The following DLGAP4 variants were observed in gnomAD, a reference collection of about 807,000 sequenced individuals.
The protein encoded by DLGAP4 is disks large-associated protein 4.
Under a neutral mutation model 86.9 loss-of-function variants are expected in DLGAP4, and 18 were observed. That is an observed-to-expected ratio of 0.21 (90% CI 0.14 to 0.31). DLGAP4 has a LOEUF of 0.31. DLGAP4 is among the 10% of genes least tolerant of loss of function. DLGAP4 has a pLI of 1.00. For synonymous variants in DLGAP4, 548 were observed against 574.3 expected (o/e 0.95, Z 0.65); for missense variants, 1,085 against 1,362.6 (o/e 0.80, Z 3.21).
Position 36,513,440 on chromosome 20 carries a change from C to T in DLGAP4, c.2513-10810C>T, listed in dbSNP as rs188749398. On this transcript the variant is annotated intron_variant, in intron 10 of 12. Transcript: ENST00000339266. ...GCGGGCGCCTGTAGTCCCAGCTACT[C>T]GGGAGGCTGAGGCAGGAGAATGGCG... 6.3e-3 allele frequency among the ~76,000 whole-genome samples: 921 copies of T among 147,192 alleles called. 12 individuals carry two copies. Among genetic ancestry groups the T allele is most frequent in the African/African-American group, 0.022 (865 of 39,782 alleles).
At chr20:36,349,530 A>G (rs1555893307) in intron 1 of DLGAP4, among the ~76,000 whole-genome samples, 2 of 152,136 alleles carry the variant, frequency 1.3e-5, no homozygotes, top group Non-Finnish European at 2.9e-5. Flanking sequence ...ACAAGCCATT[A>G]ATGGAAAGGG....
rs761668407 is a variant in DLGAP4, at chr20:36,527,920, G to C, written c.*889G>C. The C allele has an allele frequency of 1.3e-5, 2 of 152,636 alleles. No homozygotes were observed. Among genetic ancestry groups the C allele is most frequent in the Non-Finnish European group, 2.9e-5 (2 of 68,084 alleles). 9.5% of individuals were successfully genotyped at this position (152,636 alleles called of 1,614,324 possible). On this transcript the variant is annotated 3_prime_UTR_variant, in exon 13 of 13. Transcript: ENST00000339266. ...GTCCGGTGCCCGAGGGGCGGGCGGC[G>C]GTGTCTGTATGTATGTGTACATATG...
intron 2 of DLGAP4, among the ~76,000 whole-genome samples, chr20:36,383,836 G>A (rs1419870755): frequency 1.3e-5 from 2 of 152,068 alleles, no homozygotes; most frequent in African/African-American, 2.4e-5. Flanking sequence ...TTAGCCAGGT[G>A]TGGTGGCGAG....
intron 5 of DLGAP4, 96 bp from the exon 6 acceptor site, chr20:36,442,631 C>T: frequency 7.1e-7 from 1 of 1,410,384 alleles, no homozygotes; most frequent in Non-Finnish European, 1.0e-6. Context: ...GGAGGTTAGA[C>T]CAGCCAGCTT....
chr20:36,307,191 T>G (rs1239275757), intron 1 of DLGAP4, among the ~76,000 whole-genome samples: 1 of 151,992 alleles, frequency 6.6e-6, no homozygotes, highest in Non-Finnish European at 1.5e-5. Flanking sequence ...GCACCTGGGC[T>G]GGGGGGGCAC....
chr20:36,471,865 C>G (rs1157885401), intron 7 of DLGAP4, among the ~76,000 whole-genome samples: 1 of 152,048 alleles, frequency 6.6e-6, no homozygotes, highest in Non-Finnish European at 1.5e-5. Context: ...CGGTCAAGAT[C>G]ATACTTAGGC....
At chr20:36,461,485 C>A (rs1213695075) in intron 7 of DLGAP4, 4 of 981,668 alleles carry the variant, frequency 4.1e-6, no homozygotes, top group Non-Finnish European at 4.8e-6. Flanking sequence ...ACCGGAGCCT[C>A]GGGCCGGGCT....
intron 1 of DLGAP4, among the ~76,000 whole-genome samples, chr20:36,344,058 C>T (rs574367789): frequency 1.3e-5 from 2 of 152,194 alleles, no homozygotes; most frequent in African/African-American, 2.4e-5. Flanking sequence ...AAGTCTGTGC[C>T]GGGAGGTGGA....
At chr20:36,339,633 C>A (rs2065357202) in intron 1 of DLGAP4, among the ~76,000 whole-genome samples, 1 of 152,260 alleles carries the variant, frequency 6.6e-6, no homozygotes, top group South Asian at 2.1e-4. Context: ...CAGGCCTGAG[C>A]CATGGCGCCC....
chr20:36,336,891 C>A (rs1421626209), intron 1 of DLGAP4, among the ~76,000 whole-genome samples: 1 of 152,242 alleles, frequency 6.6e-6, no homozygotes, highest in African/African-American at 2.4e-5. Context: ...CCAGCAGACC[C>A]CAGAGGGGCC....
intron 2 of DLGAP4, among the ~76,000 whole-genome samples, chr20:36,383,787 A>C (rs566272069): frequency 2.2e-4 from 34 of 152,128 alleles, no homozygotes; most frequent in African/African-American, 7.9e-4. Context: ...CATCCTGGCT[A>C]ACACGGTGAA....
At chr20:36,320,149 C>A (rs2065152942) in intron 1 of DLGAP4, among the ~76,000 whole-genome samples, 1 of 107,498 alleles carries the variant, frequency 9.3e-6, no homozygotes, top group African/African-American at 3.7e-5. Flanking sequence ...TCCCAGGCCC[C>A]CCTCTGTGTC....
At chr20:36,344,304 G>T (rs899650527) in intron 1 of DLGAP4, among the ~76,000 whole-genome samples, 2 of 152,122 alleles carry the variant, frequency 1.3e-5, no homozygotes, top group Non-Finnish European at 2.9e-5. Context: ...TACTTTACCC[G>T]ACTGCTGGGA....
intron 10 of DLGAP4, among the ~76,000 whole-genome samples, chr20:36,523,184 C>T (rs141128169): frequency 5.9e-5 from 9 of 152,224 alleles, no homozygotes; most frequent in African/African-American, 2.2e-4. Context: ...TCCCAGGTAG[C>T]TGGGACCACA....
chr20:36,482,382 A>G (rs1186072603), intron 7 of DLGAP4, among the ~76,000 whole-genome samples: 1 of 152,114 alleles, frequency 6.6e-6, no homozygotes, highest in Non-Finnish European at 1.5e-5. Flanking sequence ...TCAGCCCTCC[A>G]TTGACATCAG....
chr20:36,407,960 T>A (rs1287555349), intron 2 of DLGAP4, among the ~76,000 whole-genome samples: 1 of 152,000 alleles, frequency 6.6e-6, no homozygotes, highest in African/African-American at 2.4e-5. Flanking sequence ...AAGAGCATGG[T>A]CTCTGGACTT....
intron 2 of DLGAP4, among the ~76,000 whole-genome samples, chr20:36,395,505 A>T (rs60602448): frequency 0.088 from 13,305 of 151,190 alleles, 1,925 homozygotes; most frequent in African/African-American, 0.31. Flanking sequence ...CCTTTTTTTT[A>T]TTATTATTAT....
chr20:36,500,578 A>G lies in DLGAP4; in HGVS notation c.2479A>G (p.Lys827Glu). ...GGAAGGCTGGTGCTGCCAGATGGAC[A>G]AGGAGACCAAAGAGAACAACCTCTC... is the stretch of plus-strand genomic sequence containing the variant. ...RLEGWCCQMD[K>E]ETKENNLSEE... The change falls in exon 10 of 13, where the codon AAG (lysine) becomes GAG (glutamate). Residue 827 changes from lysine (K) to glutamate (E), a missense_variant. Physicochemically the swap from Lys to Glu is moderately conservative, Grantham distance 56. Transcript: ENST00000339266. The surrounding 1 kb of genome is among the most constrained non-coding windows in gnomAD (Gnocchi z 4.6). 1 of 1,513,438 alleles carries G rather than the reference A, an allele frequency of 6.6e-7. No individual in the cohort carries two copies. The highest frequency in any genetic ancestry group is 8.8e-7 in the Non-Finnish European group (1 of 1,131,856). The allele number at this position is 1,513,438 out of a possible 1,614,324, so 93.8% of individuals were successfully genotyped here. A position where few individuals can be genotyped will look rare whatever the true frequency, so the allele number is the denominator to read the frequency against.
chr20:36,330,912 T>C (rs1325262523), intron 1 of DLGAP4, among the ~76,000 whole-genome samples: 2 of 152,240 alleles, frequency 1.3e-5, no homozygotes, highest in Non-Finnish European at 2.9e-5. Flanking sequence ...TCACAGTGCC[T>C]TGTGGACCGT....
Sources: gnomAD v4.1 joint callset for allele counts (sites outside exome capture counted in the v4.1 genomes callset) on GRCh38, gnomAD v4.1.1 for gene constraint, Gnocchi (gnomAD v3.1) non-coding constraint, MANE v1.5 for transcripts, NCBI Gene and HGNC (gene_info 2026-07-23, HGNC 2026-07-21) for gene names.